The following KRT7 variants were observed in gnomAD, a reference collection of about 807,000 sequenced individuals.
The protein encoded by KRT7 is keratin, type II cytoskeletal 7.
KRT7 carries 50 observed loss-of-function variants against 42.8 expected under a neutral mutation model. The ratio of observed to expected loss-of-function variants is 1.17; its 90% confidence interval spans 0.93 to 1.48. The LOEUF is 1.48. KRT7 is among the 40% of genes most tolerant of loss of function. The pLI, the probability that KRT7 is intolerant of heterozygous loss-of-function variation, is 0.00. For synonymous variants in KRT7, 268 were observed against 266.3 expected, an observed-to-expected ratio of 1.01 and a Z score of -0.06; for missense variants, 588 against 637.6, an observed-to-expected ratio of 0.92 and a Z score of 0.84.
intron 4 of KRT7, among the ~76,000 whole-genome samples, chr12:52,240,072 G>A (rs1353680119): frequency 6.6e-6 from 1 of 152,170 alleles, no homozygotes; most frequent in East Asian, 1.9e-4. Context: ...AATTTCAGGG[G>A]AAGTTTCTTT....
At chr12:52,242,681 C>T (rs7132332) in intron 5 of KRT7, among the ~76,000 whole-genome samples, 4,227 of 152,178 alleles carry the variant, frequency 0.028, 187 homozygotes, top group African/African-American at 0.097. Flanking sequence ...CTCTCCTCAC[C>T]TGTGAAATGG....
chr12:52,248,445 C>T, intron 8 of KRT7, 146 bp from the exon 9 acceptor site: 1 of 916,262 alleles, frequency 1.1e-6, no homozygotes, highest in South Asian at 1.7e-5. Flanking sequence ...CTACCCCTGT[C>T]AGATGCTCCT....
intron 7 of KRT7, chr12:52,246,335 T>C (rs1942171307): frequency 6.6e-6 from 1 of 152,248 alleles, no homozygotes; most frequent in Admixed American, 6.5e-5. Flanking sequence ...ACGTAGGACA[T>C]GTTTCTGCCC....
downstream of KRT7, chr12:52,253,371 G>T: frequency 3.1e-6 from 5 of 1,608,610 alleles, no homozygotes; most frequent in Non-Finnish European, 4.3e-6. Context: ...GAGGCTCAGG[G>T]TGGGACCTCC....
downstream of KRT7, chr12:52,250,620 C>T (rs985304457): frequency 1.0e-6 from 1 of 961,316 alleles, no homozygotes; most frequent in African/African-American, 1.6e-5. Flanking sequence ...GCATAAGACC[C>T]CGCCGCGAGA....
intron 3 of KRT7, 37 bp from the exon 4 acceptor site, chr12:52,238,643 A>G (rs937195794): frequency 5.5e-5 from 69 of 1,255,330 alleles, no homozygotes; most frequent in Non-Finnish European, 7.5e-5. Flanking sequence ...TACTGAGGAC[A>G]TGGTCTCCCT....
chr12:52,240,132 A>G (rs1365710023), intron 4 of KRT7, among the ~76,000 whole-genome samples: 5 of 151,380 alleles, frequency 3.3e-5, no homozygotes, highest in African/African-American at 1.2e-4. Context: ...GGTCTATCAC[A>G]TGGTTTATTT....
At chr12:52,245,968 G>T in intron 7 of KRT7, 1 of 288,120 alleles carries the variant, frequency 3.5e-6, no homozygotes, top group South Asian at 5.6e-5. Context: ...AGAGGGGAAA[G>T]CTGTGGTTGA....
At chr12:52,245,191 A>G in intron 6 of KRT7, 1 of 583,914 alleles carries the variant, frequency 1.7e-6, no homozygotes, top group Non-Finnish European at 3.0e-6. Context: ...GGGTTGATTC[A>G]TCCATGGTCA....
At chr12:52,255,518 A>G (rs1942323317), downstream of KRT7, 1 of 442,234 alleles carries the variant, frequency 2.3e-6, no homozygotes, top group Admixed American at 2.4e-5. Context: ...GGTCACAAGA[A>G]TCAAAAAAGT....
chr12:52,236,205 C>A (rs1026902487), intron 2 of KRT7, among the ~76,000 whole-genome samples: 16 of 150,994 alleles, frequency 1.1e-4, no homozygotes, highest in African/African-American at 2.9e-4. Flanking sequence ...GTGCCCCCCC[C>A]CAACACTCCC....
downstream of KRT7, chr12:52,253,871 T>C (rs958256168): frequency 1.5e-4 from 65 of 432,076 alleles, no homozygotes; most frequent in Middle Eastern, 9.8e-4. Flanking sequence ...CTTCGATGTC[T>C]GAAGCCCCAC....
chr12:52,252,417 G>A (rs1273289660), downstream of KRT7: 5 of 1,614,052 alleles, frequency 3.1e-6, no homozygotes, highest in Non-Finnish European at 3.4e-6. Context: ...CTTGCAGCGG[G>A]CATCACTGAG....
chr12:52,237,718 G>GTGAGTGTT, intron 3 of KRT7, 149 bp downstream of exon 3: 4 of 550,620 alleles, frequency 7.3e-6, no homozygotes, highest in Non-Finnish European at 1.3e-5. Flanking sequence ...TGTCCTGTGG[G>GTGAGTGTT]TGCGTGTATG....
chr12:52,242,451 G>A (rs1942106708), intron 5 of KRT7, among the ~76,000 whole-genome samples: 1 of 152,184 alleles, frequency 6.6e-6, no homozygotes, highest in African/African-American at 2.4e-5. Flanking sequence ...TGGTGCAGGG[G>A]CTGAGGGAGC....
At chr12:52,234,601 T>C (rs1474320727) in intron 1 of KRT7, among the ~76,000 whole-genome samples, 1 of 152,174 alleles carries the variant, frequency 6.6e-6, no homozygotes. Flanking sequence ...CCCCAGGGCC[T>C]GGGGCCCTGA....
At chr12:52,248,333 A>G (rs1431839984) in intron 8 of KRT7, 122 bp downstream of exon 8, 3 of 1,000,470 alleles carry the variant, frequency 3.0e-6, no homozygotes, top group African/African-American at 3.2e-5. Flanking sequence ...CTTCCTTTCT[A>G]CAGGGATTGA....
rs778460067 is a variant in KRT7, at chr12:52,233,569, G to A, written c.273G>A (p.Glu91=). The stretch of plus-strand genomic sequence containing the variant: ...CCCTCCAGCGGGTGCGCCAGGAGGA[G>A]AGCGAGCAGATCAAGACCCTCAACA... ...DPSLQRVRQE[E]SEQIKTLNNK... The change falls in exon 1 of 9, where the codon GAG becomes GAA. Residue 91 remains glutamate (E), a synonymous_variant. Transcript: ENST00000331817. 3.7e-6 allele frequency: 6 copies of A among 1,613,116 alleles called. No individual in the cohort carries two copies. The highest frequency in any genetic ancestry group is 2.2e-5 in the East Asian group (1 of 44,846).
At chr12:52,255,114 C>T (rs1942320144), downstream of KRT7, among the ~76,000 whole-genome samples, 1 of 152,232 alleles carries the variant, frequency 6.6e-6, no homozygotes, top group South Asian at 2.1e-4. Context: ...GAATATTGCC[C>T]TGCCTGAAGC....
Sources: allele counts gnomAD v4.1 joint callset (sites outside exome capture counted in the v4.1 genomes callset), GRCh38; gene constraint gnomAD v4.1.1; transcripts MANE v1.5; gene names NCBI Gene and HGNC (gene_info 2026-07-23, HGNC 2026-07-21).